Variants in SLC44A1 observed in about 807,000 individuals in gnomAD.
The protein encoded by SLC44A1 is solute carrier family 44 member 1, also known as choline transporter-like protein 1.
In SLC44A1, 26 loss-of-function variants were observed where a neutral mutation model predicts 79.3. The observed-to-expected ratio is 0.33, with a 90% CI of 0.24 to 0.46. The LOEUF is 0.46. Among genes scored for constraint, SLC44A1 ranks in the 20% least tolerant of loss-of-function variants. The pLI, the probability that SLC44A1 is intolerant of heterozygous loss-of-function variation, is 1.00. For missense variants in SLC44A1, 688 were observed against 798.1 expected (o/e 0.86, Z 1.66); for synonymous variants, 263 against 286.2 (o/e 0.92, Z 0.82).
At chr9:105,340,863 C>A (rs1414645522) in intron 4 of SLC44A1, among the ~76,000 whole-genome samples, 1 of 152,098 alleles carries the variant, frequency 6.6e-6, no homozygotes, top group African/African-American at 2.4e-5. Flanking sequence ...TTCCTCAAAT[C>A]TTTGTTTCTT....
chr9:105,368,042 A>C (rs1006432658), intron 12 of SLC44A1, among the ~76,000 whole-genome samples: 13 of 152,200 alleles, frequency 8.5e-5, no homozygotes, highest in African/African-American at 2.4e-4. Context: ...AAAACTATAA[A>C]AATCCTGAAA....
intron 15 of SLC44A1, among the ~76,000 whole-genome samples, chr9:105,430,414 C>T (rs1324132242): frequency 6.6e-6 from 1 of 152,174 alleles, no homozygotes; most frequent in Non-Finnish European, 1.5e-5. Flanking sequence ...AAACTCCATG[C>T]CTTTTAGCAT....
At position 105,335,144 on chromosome 9, in the gene SLC44A1, A is replaced by G. The variant is rs145514596; in HGVS notation, c.270-419A>G. On this transcript the variant is annotated intron_variant, in intron 3 of 15. Transcript: ENST00000374720. ...TGTTCATATGAATTATATATAATGA[A>G]TGAATTACATTTATTAACTAAAGTT... 3.3e-3 allele frequency among the ~76,000 whole-genome samples: 501 copies of G among 152,192 alleles called. 2 individuals carry two copies. The highest frequency in any genetic ancestry group is 0.011 in the African/African-American group (477 of 41,538).
chr9:105,360,777 A>G (rs1827754925), intron 7 of SLC44A1, among the ~76,000 whole-genome samples: 1 of 152,214 alleles, frequency 6.6e-6, no homozygotes. Context: ...TGAGTACAAC[A>G]GAGAAGATCC....
Position 105,390,518 on chromosome 9 carries a change from C to G in SLC44A1, c.*1462C>G, listed in dbSNP as rs1350615792. 1.0e-6 allele frequency: 1 copy of G among 979,976 alleles called. No homozygotes were observed. The highest frequency in any genetic ancestry group is 4.8e-5 in the South Asian group (1 of 20,980). The allele number at this position is 979,976 out of a possible 1,614,324, so 60.7% of individuals were successfully genotyped here. A position where few individuals can be genotyped will look rare whatever the true frequency, so the allele number is the denominator to read the frequency against. On this transcript the variant is annotated 3_prime_UTR_variant, in exon 16 of 16. Transcript: ENST00000374720. ...AAGAAAGCATTGCCTCCTACCAGAA[C>G]TAGACAGTGAATTAGATCGGTATTA... is the stretch of plus-strand genomic sequence containing the variant.
At chr9:105,286,668 T>C (rs1040229807) in intron 1 of SLC44A1, among the ~76,000 whole-genome samples, 1 of 152,170 alleles carries the variant, frequency 6.6e-6, no homozygotes, top group Non-Finnish European at 1.5e-5. Flanking sequence ...GGTTGTGTTA[T>C]AAAAGGGAGG....
At chr9:105,337,312 C>T (rs1420538617) in intron 4 of SLC44A1, among the ~76,000 whole-genome samples, 1 of 152,136 alleles carries the variant, frequency 6.6e-6, no homozygotes, top group Non-Finnish European at 1.5e-5. Flanking sequence ...CTTGACTTCT[C>T]CTTGCCTCAG....
rs748591709 is a variant in SLC44A1 at position 105,335,554 on chromosome 9, A to G, written c.270-9A>G. On this transcript the variant is annotated splice_polypyrimidine_tract_variant and intron_variant, in intron 3 of 15. Coordinates refer to ENST00000374720, the MANE Select transcript of SLC44A1 (RefSeq NM_080546.5). The stretch of plus-strand genomic sequence containing the variant: ...AAGTAATATCTCAGTTTTTTTCTCC[A>G]TGCTTTAGGTATGTATTCTTTTTGG... 1.2e-6 allele frequency: 2 copies of G among 1,604,062 alleles called. No homozygotes were observed. Among genetic ancestry groups the G allele is most frequent in the Middle Eastern group, 1.7e-4 (1 of 6,032 alleles).
chr9:105,377,741 G>A lies in SLC44A1; in HGVS notation c.1632+3006G>A, dbSNP rs186242530. Among the ~76,000 whole-genome samples the A allele has an allele frequency of 1.7e-4, 25 of 150,902 alleles. No homozygotes were observed. In the East Asian group the frequency reaches 4.5e-3, roughly 27 times the overall value. ...TGCACCACCGCACTCCAGCCTAGGCGACAGAGCAAGACTCTGTCTTAAAAA... is the reference window on the plus strand; with the variant it reads ...TGCACCACCGCACTCCAGCCTAGGCAACAGAGCAAGACTCTGTCTTAAAAA... On this transcript the variant is annotated intron_variant, in intron 13 of 15. Transcript: ENST00000374720.
At chr9:105,364,747 T>G in intron 10 of SLC44A1, 27 bp downstream of exon 10, 1 of 1,587,148 alleles carries the variant, frequency 6.3e-7, no homozygotes, top group Non-Finnish European at 8.6e-7. Flanking sequence ...ATTAGAAAAC[T>G]CGAGTTCATC....
At chr9:105,254,181 C>T (rs969060129) in intron 1 of SLC44A1, among the ~76,000 whole-genome samples, 1 of 152,162 alleles carries the variant, frequency 6.6e-6, no homozygotes, top group Non-Finnish European at 1.5e-5. Context: ...TCAGCAAGGA[C>T]GTAAGTTCTC....
chr9:105,333,656 A>G (rs1256122021), intron 3 of SLC44A1, among the ~76,000 whole-genome samples: 1 of 152,136 alleles, frequency 6.6e-6, no homozygotes, highest in Admixed American at 6.5e-5. Context: ...CTAAAAATAC[A>G]AAAATTAGCC....
rs775585579 is a variant in SLC44A1, at chr9:105,390,640, G to A, written c.*1584G>A. On this transcript the variant is annotated 3_prime_UTR_variant, in exon 16 of 16. Coordinates refer to ENST00000374720, the MANE Select transcript of SLC44A1 (RefSeq NM_080546.5). ...GTTGGACCTTTAAATTGCTGCAAAA[G>A]GTAAATTGTATTTTTTTTTAAGTAT... 6.1e-4 allele frequency: 602 copies of A among 985,432 alleles called. No individual in the cohort carries two copies. Among genetic ancestry groups the A allele is most frequent in the Middle Eastern group, 1.5e-3 (3 of 1,936 alleles). 61.0% of individuals were successfully genotyped at this position (985,432 alleles called of 1,614,324 possible).
chr9:105,276,096 G>A (rs1415438127), intron 1 of SLC44A1, among the ~76,000 whole-genome samples: 4 of 152,180 alleles, frequency 2.6e-5, no homozygotes, highest in South Asian at 2.1e-4. Flanking sequence ...GTGAGCCTCC[G>A]TGCCTGCCTG....
intron 15 of SLC44A1, among the ~76,000 whole-genome samples, chr9:105,428,383 T>C (rs2131523421): frequency 6.6e-6 from 1 of 152,350 alleles, no homozygotes; most frequent in East Asian, 1.9e-4. Context: ...AATTTATTCC[T>C]TCCCCCATCA....
intron 15 of SLC44A1, among the ~76,000 whole-genome samples, chr9:105,434,659 A>C (rs1829440838): frequency 1.3e-5 from 2 of 152,200 alleles, no homozygotes; most frequent in South Asian, 4.1e-4. Context: ...TGACACAAAC[A>C]GAAGATTCAG....
intron 1 of SLC44A1, among the ~76,000 whole-genome samples, chr9:105,279,926 T>TA (rs1830311976): frequency 1.3e-5 from 2 of 152,104 alleles, no homozygotes; most frequent in South Asian, 4.1e-4. Context: ...ACATGTAGCA[T>TA]AAAAAAATCC....
intron 8 of SLC44A1, 42 bp downstream of exon 8, chr9:105,361,372 G>A: frequency 6.5e-7 from 1 of 1,536,082 alleles, no homozygotes; most frequent in Non-Finnish European, 8.8e-7. Flanking sequence ...TTGTGTTTTT[G>A]TTTGCAGGAG....
chr9:105,410,728 T>C (rs557990293), intron 15 of SLC44A1, among the ~76,000 whole-genome samples: 2 of 152,308 alleles, frequency 1.3e-5, no homozygotes, highest in South Asian at 4.1e-4. Flanking sequence ...AAAGAAAAAC[T>C]TGCTCACAAA....
Sources: allele counts gnomAD v4.1 joint callset (sites outside exome capture counted in the v4.1 genomes callset), GRCh38; gene constraint gnomAD v4.1.1; transcripts MANE v1.5; gene names NCBI Gene and HGNC (gene_info 2026-07-23, HGNC 2026-07-21).